MTUS1: variants seen among roughly 807,000 people sequenced by gnomAD.
MTUS1 encodes microtubule associated scaffold protein 1.
In MTUS1, 109 loss-of-function variants were observed where a neutral mutation model predicts 120.8. The ratio of observed to expected loss-of-function variants is 0.90; its 90% CI spans 0.77 to 1.06. The LOEUF is 1.06. MTUS1 is among the 50% of genes least tolerant of loss of function. The pLI is 0.00. For missense variants in MTUS1, 2,210 were observed against 1,486.3 expected, an observed-to-expected ratio of 1.49 and a Z score of -8.01; for synonymous variants, 737 against 550.5, an observed-to-expected ratio of 1.34 and a Z score of -4.74.
At chr8:17,713,316 C>A in intron 5 of MTUS1, 64 bp from the exon 6 acceptor site, 1 of 927,484 alleles carries the variant, frequency 1.1e-6, no homozygotes, top group South Asian at 1.5e-5. Flanking sequence ...TAAAAACAAA[C>A]CATGTTGATA....
chr8:17,722,743 A>C, intron 4 of MTUS1: 1 of 170,870 alleles, frequency 5.9e-6, no homozygotes. Context: ...TTCTATATAA[A>C]TATCAGGGTA....
At chr8:17,728,878 G>A (rs1381743934) in intron 3 of MTUS1, among the ~76,000 whole-genome samples, 1 of 152,108 alleles carries the variant, frequency 6.6e-6, no homozygotes, top group Non-Finnish European at 1.5e-5. Flanking sequence ...TGAAATCAGG[G>A]AAAAAGATAG....
At chr8:17,749,014 C>A (rs368161403) in intron 2 of MTUS1, among the ~76,000 whole-genome samples, 94 of 152,182 alleles carry the variant, frequency 6.2e-4, no homozygotes, top group African/African-American at 2.2e-3. Flanking sequence ...AAATTCTAAG[C>A]CCCCCAACCA....
intron 7 of MTUS1, among the ~76,000 whole-genome samples, chr8:17,676,693 T>C (rs1190394451): frequency 6.6e-6 from 1 of 152,200 alleles, no homozygotes; most frequent in Non-Finnish European, 1.5e-5. Flanking sequence ...AATGGAGTTA[T>C]TTTTAGACTT....
At chr8:17,718,041 G>C (rs1241480579) in intron 4 of MTUS1, among the ~76,000 whole-genome samples, 5 of 152,130 alleles carry the variant, frequency 3.3e-5, no homozygotes, top group African/African-American at 2.4e-5. Flanking sequence ...ACTAATGGCA[G>C]GCACAACCTG....
At chr8:17,719,944 G>A (rs1350890410) in intron 4 of MTUS1, among the ~76,000 whole-genome samples, 1 of 152,168 alleles carries the variant, frequency 6.6e-6, no homozygotes, top group Non-Finnish European at 1.5e-5. Flanking sequence ...TTGCTGCAAG[G>A]ACTTTGAAGA....
intron 4 of MTUS1, among the ~76,000 whole-genome samples, chr8:17,718,561 C>T (rs1243956749): frequency 2.6e-5 from 4 of 152,106 alleles, no homozygotes; most frequent in East Asian, 1.9e-4. Flanking sequence ...TCCTCAGAAT[C>T]ATCCTAAAGA....
At chr8:17,678,504 T>C (rs1813577936) in intron 7 of MTUS1, among the ~76,000 whole-genome samples, 1 of 152,194 alleles carries the variant, frequency 6.6e-6, no homozygotes, top group Non-Finnish European at 1.5e-5. Flanking sequence ...AGTCTCTGGC[T>C]GTGGTCCCAT....
At chr8:17,654,892 C>A in intron 9 of MTUS1, 1 of 552,838 alleles carries the variant, frequency 1.8e-6, no homozygotes. Context: ...AGTTCAAGTC[C>A]AGCCTGGGCA....
rs1659263787 is a variant in MTUS1 at position 17,755,964 on chromosome 8, G to T, written c.-154-3C>A. ...AAGATTAAATGATTTGTTGTTCCCT[G>T]GAAGAAATAAAATGTTTAACTCAAG... On this transcript the variant is annotated splice_polypyrimidine_tract_variant and splice_region_variant and intron_variant, in intron 1 of 14. Transcript: ENST00000693296. The T allele has an allele frequency of 2.1e-6, 3 of 1,407,574 alleles. No individual in the cohort carries two copies. Among genetic ancestry groups the T allele is most frequent in the Non-Finnish European group, 1.8e-6 (2 of 1,086,726 alleles). The allele number at this position is 1,407,574 out of a possible 1,614,324, so 87.2% of individuals were successfully genotyped here. A position where few individuals can be genotyped will look rare whatever the true frequency, so the allele number is the denominator to read the frequency against.
intron 1 of MTUS1, among the ~76,000 whole-genome samples, chr8:17,779,967 T>C (rs1184147349): frequency 2.6e-5 from 4 of 152,210 alleles, no homozygotes; most frequent in Admixed American, 1.3e-4. Flanking sequence ...ATCTCTGACA[T>C]GGGTTGGATG....
Position 17,684,421 on chromosome 8 carries a change from T to C in MTUS1, c.2745A>G (p.Gln915=), listed in dbSNP as rs1815302528. 3 of 1,614,070 alleles carry C rather than the reference T, an allele frequency of 1.9e-6. No homozygotes were observed. Among genetic ancestry groups the C allele is most frequent in the African/African-American group, 2.7e-5 (2 of 74,934 alleles). The part of the protein sequence containing the change: ...LTQYKTKCEN[Q]SGFILQLKQL... ...GCTTGAGCTGCAGGATAAATCCACT[T>C]TGGTTTTCACATTTTGTTTTATATT... Residue 915 remains glutamine, a synonymous_variant, in exon 7 of 15, where the codon CAA becomes CAG. Coordinates refer to ENST00000693296, the MANE Select transcript of MTUS1 (RefSeq NM_001363059.2).
At chr8:17,781,621 A>T (rs984490109) in intron 1 of MTUS1, among the ~76,000 whole-genome samples, 1 of 152,160 alleles carries the variant, frequency 6.6e-6, no homozygotes, top group African/African-American at 2.4e-5. Context: ...AAATTTTTTA[A>T]ATCAACCACT....
intron 1 of MTUS1, among the ~76,000 whole-genome samples, chr8:17,776,125 G>A (rs1392989171): frequency 7.2e-5 from 11 of 151,962 alleles, no homozygotes; most frequent in Admixed American, 7.2e-4. Context: ...GCCAACTGCA[G>A]ATTGAACATA....
chr8:17,752,036 C>CAT (rs2048240643), intron 2 of MTUS1, among the ~76,000 whole-genome samples: 1 of 152,080 alleles, frequency 6.6e-6, no homozygotes, highest in Admixed American at 6.5e-5. Flanking sequence ...TTCTCCAAGA[C>CAT]ATACTAGGAT....
intron 6 of MTUS1, among the ~76,000 whole-genome samples, chr8:17,702,600 A>C (rs1332551667): frequency 6.6e-6 from 1 of 152,152 alleles, no homozygotes; most frequent in Non-Finnish European, 1.5e-5. Context: ...ACTATGTTAG[A>C]TGCCTCCTAT....
intron 6 of MTUS1, among the ~76,000 whole-genome samples, chr8:17,712,079 G>T (rs1821412782): frequency 6.6e-6 from 1 of 152,146 alleles, no homozygotes; most frequent in Non-Finnish European, 1.5e-5. Context: ...GCTTGAAATA[G>T]TGTGAGAATT....
intron 7 of MTUS1, chr8:17,676,598 G>C: frequency 1.9e-6 from 1 of 536,476 alleles, no homozygotes; most frequent in Non-Finnish European, 3.3e-6. Flanking sequence ...AAAAACGAGA[G>C]GCAGGCATTA....
At chr8:17,666,952 C>G (rs551719886) in intron 8 of MTUS1, among the ~76,000 whole-genome samples, 57 of 152,304 alleles carry the variant, frequency 3.7e-4, no homozygotes, top group African/African-American at 1.4e-3. Context: ...AACTGAGGAT[C>G]TGCATTTCAA....
Sources: allele counts gnomAD v4.1 joint callset (sites outside exome capture counted in the v4.1 genomes callset), GRCh38; gene constraint gnomAD v4.1.1; transcripts MANE v1.5; gene names NCBI Gene and HGNC (gene_info 2026-07-23, HGNC 2026-07-21).